The following LPIN1 variants were observed in gnomAD, a reference collection of about 807,000 sequenced individuals.
LPIN1 encodes lipin 1.
In LPIN1, 71 loss-of-function variants were observed where a neutral mutation model predicts 107.5. That is an observed-to-expected ratio of 0.66 (90% CI 0.55 to 0.80). The LOEUF (loss-of-function observed/expected upper bound fraction) is 0.80. Ranked by LOEUF, LPIN1 falls within the 30% of genes least tolerant of loss-of-function variation. The pLI is 0.00. For missense variants in LPIN1, 1,043 were observed against 1,160.6 expected (o/e 0.90, Z 1.47); for synonymous variants, 445 against 452.6 (o/e 0.98, Z 0.21).
In LPIN1 at chr2:11,784,323, AAG is replaced by A. The variant is rs1674101536; in HGVS notation, c.1358+402_1358+403del. ...CATCTCAAAAAAAAAAAAAAAAAAA[AAG>A]TGTGAGAGAGAGGCAGTGGGAGGCT... On this transcript the variant is annotated intron_variant, in intron 9 of 20. Transcript: ENST00000674199. 5 of 741,270 alleles carry A rather than the reference AAG, an allele frequency of 6.7e-6. No individual in the cohort carries two copies. In the South Asian group the frequency reaches 1.1e-4, roughly 17 times the overall value. The allele number at this position is 741,270 out of a possible 1,614,324, so 45.9% of individuals were successfully genotyped here.
At position 11,774,154 on chromosome 2, in the gene LPIN1, C is replaced by A. The variant is rs1483270244; in HGVS notation, c.722+409C>A. Among the ~76,000 whole-genome samples, 2 of 152,206 alleles carry A rather than the reference C, an allele frequency of 1.3e-5. No homozygotes were observed. On this transcript the variant is annotated intron_variant, in intron 5 of 20. Coordinates refer to ENST00000674199, the MANE Select transcript of LPIN1 (RefSeq NM_001349206.2). The surrounding 1 kb of genome is among the most constrained non-coding windows in gnomAD (Gnocchi z 4.4). ...GAATGGTGCCTCCGCCACACTTAATCCATTCTGCCGAATTCAAGAATATTT... is the reference window on the plus strand; with the variant it reads ...GAATGGTGCCTCCGCCACACTTAATACATTCTGCCGAATTCAAGAATATTT...
intron 17 of LPIN1, among the ~76,000 whole-genome samples, chr2:11,807,220 G>A (rs1403243864): frequency 2.0e-5 from 3 of 152,206 alleles, no homozygotes; most frequent in South Asian, 2.1e-4. Context: ...GATCAATATT[G>A]CCGAATTGCC....
At chr2:11,736,436 T>C (rs180966060) in intron 1 of LPIN1, among the ~76,000 whole-genome samples, 2 of 152,312 alleles carry the variant, frequency 1.3e-5, no homozygotes, top group East Asian at 3.9e-4. Context: ...TCTCCTCCTC[T>C]TCTTATAAGG....
chr2:11,716,777 C>T (rs1193758287), intron 2 of LPIN1, among the ~76,000 whole-genome samples: 1 of 152,130 alleles, frequency 6.6e-6, no homozygotes, highest in Non-Finnish European at 1.5e-5. Flanking sequence ...CAACGAAATA[C>T]ACACTCACCA....
intron 1 of LPIN1, among the ~76,000 whole-genome samples, chr2:11,680,345 C>T (rs1661647228): frequency 6.6e-6 from 1 of 152,216 alleles, no homozygotes; most frequent in Non-Finnish European, 1.5e-5. Flanking sequence ...ATGGCCATTC[C>T]CAGAGACTCT....
intron 1 of LPIN1, among the ~76,000 whole-genome samples, chr2:11,731,977 C>T (rs1363644065): frequency 6.6e-6 from 1 of 151,974 alleles, no homozygotes; most frequent in African/African-American, 2.4e-5. Flanking sequence ...GGATATTAGA[C>T]CTTTGTCAGA....
chr2:11,713,964 C>G (rs745656053), intron 2 of LPIN1, among the ~76,000 whole-genome samples: 1 of 152,190 alleles, frequency 6.6e-6, no homozygotes, highest in Non-Finnish European at 1.5e-5. Flanking sequence ...AGAGATTGCC[C>G]GCAGCACTTG....
In LPIN1 at chr2:11,826,239, C is replaced by T. The variant is rs1682350912; in HGVS notation, c.*1448C>T. 6.6e-6 allele frequency: 1 copy of T among 152,570 alleles called. No individual in the cohort carries two copies. Among genetic ancestry groups the T allele is most frequent in the African/African-American group, 2.4e-5 (1 of 41,436 alleles). The allele number at this position is 152,570 out of a possible 1,614,324, so 9.5% of individuals were successfully genotyped here. A position where few individuals can be genotyped will look rare whatever the true frequency, so the allele number is the denominator to read the frequency against. On this transcript the variant is annotated 3_prime_UTR_variant, in exon 21 of 21. Transcript: ENST00000674199. ...AATGGAACGGTTGAATGAAATTTTACTCTTTCTGTGAAAGAAAATCCACAG... is the reference window on the plus strand; with the variant it reads ...AATGGAACGGTTGAATGAAATTTTATTCTTTCTGTGAAAGAAAATCCACAG...
rs1666967168 is a variant in LPIN1, at chr2:11,746,637, T to C, written c.-44T>C. On this transcript the variant is annotated 5_prime_UTR_variant, in exon 1 of 21. Coordinates refer to ENST00000674199, the MANE Select transcript of LPIN1 (RefSeq NM_001349206.2). ...GACAGCCGGCGGCGGGCTGGGTGTT[T>C]GCAATACAAAGGCGGCCACGCGCGG... 3.0e-6 allele frequency: 3 copies of C among 985,362 alleles called. No homozygotes were observed. The highest frequency in any genetic ancestry group is 3.6e-6 in the Non-Finnish European group (3 of 829,928). The allele number at this position is 985,362 out of a possible 1,614,324, so 61.0% of individuals were successfully genotyped here.
intron 6 of LPIN1, among the ~76,000 whole-genome samples, chr2:11,778,859 G>A (rs1673082328): frequency 6.6e-6 from 1 of 152,186 alleles, no homozygotes; most frequent in Admixed American, 6.5e-5. Flanking sequence ...TAAAAATTCA[G>A]GAAACATGGA....
chr2:11,764,994 C>T (rs1670551673), intron 1 of LPIN1, among the ~76,000 whole-genome samples: 1 of 152,138 alleles, frequency 6.6e-6, no homozygotes, highest in Admixed American at 6.5e-5. Context: ...GACTGGTGGG[C>T]TTGCTGTGGG....
chr2:11,760,795 A>T (rs1669701330), intron 1 of LPIN1, among the ~76,000 whole-genome samples: 1 of 152,164 alleles, frequency 6.6e-6, no homozygotes, highest in African/African-American at 2.4e-5. Flanking sequence ...TACCAACAGT[A>T]GTTCGTAGAT....
At chr2:11,702,864 C>T (rs950955524) in intron 1 of LPIN1, among the ~76,000 whole-genome samples, 1 of 152,154 alleles carries the variant, frequency 6.6e-6, no homozygotes, top group Non-Finnish European at 1.5e-5. Flanking sequence ...CCCTTCTTCT[C>T]TCCTAACTCT....
At chr2:11,776,232 A>G in intron 6 of LPIN1, 39 bp downstream of exon 6, 2 of 1,336,978 alleles carry the variant, frequency 1.5e-6, no homozygotes, top group South Asian at 2.9e-5. Context: ...ATATTCAATA[A>G]TGAAAAATTT....
intron 17 of LPIN1, among the ~76,000 whole-genome samples, chr2:11,813,716 A>G (rs899128184): frequency 6.6e-6 from 1 of 151,990 alleles, no homozygotes; most frequent in Non-Finnish European, 1.5e-5. Flanking sequence ...GGAGTTCAGG[A>G]CCAGCCTGGC....
Position 11,746,691 on chromosome 2 carries a change from A to G in LPIN1, c.-10+20A>G, listed in dbSNP as rs561697079. The G allele has an allele frequency of 4.1e-6, 4 of 982,410 alleles. 1 individual carries two copies. The South Asian group carries it at 1.4e-4, about 35-fold the overall frequency. The allele number at this position is 982,410 out of a possible 1,614,324, so 60.9% of individuals were successfully genotyped here. On this transcript the variant is annotated intron_variant, in intron 1 of 20. Transcript: ENST00000674199. ...CGCTCGGTGAGTAGCCGCCGCCTCC[A>G]GCCTCCCGCTGTGGAGCAGGGGCCG...
chr2:11,689,622 A>T (rs927590356), intron 1 of LPIN1, among the ~76,000 whole-genome samples: 1 of 152,178 alleles, frequency 6.6e-6, no homozygotes, highest in Non-Finnish European at 1.5e-5. Context: ...AAACATACCT[A>T]TAGGCTGGGC....
At chr2:11,763,635 T>C (rs889191181) in intron 1 of LPIN1, among the ~76,000 whole-genome samples, 19 of 152,264 alleles carry the variant, frequency 1.2e-4, no homozygotes, top group African/African-American at 4.3e-4. Flanking sequence ...TTCTAAATCT[T>C]GGATCAAAGT....
intron 4 of LPIN1, among the ~76,000 whole-genome samples, chr2:11,772,751 ATTTG>A (rs1672061386): frequency 6.6e-6 from 1 of 152,176 alleles, no homozygotes; most frequent in Non-Finnish European, 1.5e-5. Context: ...TTTGAAGGAT[ATTTG>A]ATGTTTCAGA....
Sources: allele counts gnomAD v4.1 joint callset (sites outside exome capture counted in the v4.1 genomes callset), GRCh38; gene constraint gnomAD v4.1.1; non-coding constraint Gnocchi (gnomAD v3.1); transcripts MANE v1.5; gene names NCBI Gene and HGNC (gene_info 2026-07-23, HGNC 2026-07-21).